KCNIP4: variants seen among roughly 807,000 people sequenced by gnomAD.
KCNIP4 encodes the protein potassium voltage-gated channel interacting protein 4, also known as Kv channel-interacting protein 4.
Under a neutral mutation model 34.0 loss-of-function variants are expected in KCNIP4, and 12 were observed. The ratio of observed to expected loss-of-function variants is 0.35; its 90% confidence interval spans 0.23 to 0.57. The LOEUF (loss-of-function observed/expected upper bound fraction) is 0.57, where lower values mean the gene tolerates loss of function less well. Ranked by LOEUF, KCNIP4 falls within the 20% of genes least tolerant of loss-of-function variation. The pLI, the probability that KCNIP4 is intolerant of heterozygous loss-of-function variation, is 0.83. For synonymous variants in KCNIP4, 124 were observed against 102.2 expected, an observed-to-expected ratio of 1.21 and a Z score of -1.29; for missense variants, 238 against 311.7, an observed-to-expected ratio of 0.76 and a Z score of 1.78.
chr4:21,688,923 C>T (rs1218537538), intron 1 of KCNIP4, among the ~76,000 whole-genome samples: 1 of 152,008 alleles, frequency 6.6e-6, no homozygotes, highest in South Asian at 2.1e-4. Flanking sequence ...GCTTCACCTA[C>T]CTTGCCCATT....
At chr4:21,150,127 A>C (rs769421179) in intron 1 of KCNIP4, among the ~76,000 whole-genome samples, 1 of 152,236 alleles carries the variant, frequency 6.6e-6, no homozygotes, top group Non-Finnish European at 1.5e-5. Flanking sequence ...TAGCACTTGC[A>C]GACCCCTTGG....
intron 1 of KCNIP4, among the ~76,000 whole-genome samples, chr4:21,303,170 C>G (rs976715006): frequency 1.3e-5 from 2 of 152,124 alleles, no homozygotes; most frequent in African/African-American, 4.8e-5. Context: ...AACAGGAGAA[C>G]AAGCCTCTAA....
chr4:21,403,512 T>C (rs1434092393), intron 1 of KCNIP4, among the ~76,000 whole-genome samples: 1 of 152,206 alleles, frequency 6.6e-6, no homozygotes, highest in African/African-American at 2.4e-5. Context: ...CATTTGACAC[T>C]GAGTATAACC....
At chr4:21,782,460 G>C (rs374411213) in intron 1 of KCNIP4, among the ~76,000 whole-genome samples, 221 of 152,286 alleles carry the variant, frequency 1.5e-3, no homozygotes, top group Non-Finnish European at 2.1e-3. Context: ...TTGGGAGGCT[G>C]AGACAGGAGG....
chr4:21,791,682 C>T (rs1309524614), intron 1 of KCNIP4, among the ~76,000 whole-genome samples: 1 of 151,998 alleles, frequency 6.6e-6, no homozygotes, highest in Non-Finnish European at 1.5e-5. Context: ...CCTTAACATA[C>T]TTAGTATTTC....
intron 1 of KCNIP4, among the ~76,000 whole-genome samples, chr4:21,147,784 C>A (rs1291467080): frequency 6.6e-6 from 1 of 151,172 alleles, no homozygotes; most frequent in African/African-American, 2.4e-5. Context: ...ACTAAAAATA[C>A]AAAAATTAGC....
chr4:21,614,744 C>A (rs867110433), intron 1 of KCNIP4, among the ~76,000 whole-genome samples: 6 of 151,818 alleles, frequency 4.0e-5, no homozygotes, highest in African/African-American at 1.4e-4. Context: ...TCATCTAAAT[C>A]TCTTACAGAC....
intron 3 of KCNIP4, among the ~76,000 whole-genome samples, chr4:20,809,102 G>T (rs1445784909): frequency 6.6e-6 from 1 of 152,058 alleles, no homozygotes; most frequent in African/African-American, 2.4e-5. Context: ...TGTGTTTCTG[G>T]CACAGCTATC....
chr4:21,729,299 C>A (rs1244022771), intron 1 of KCNIP4, among the ~76,000 whole-genome samples: 1 of 152,146 alleles, frequency 6.6e-6, no homozygotes, highest in Non-Finnish European at 1.5e-5. Flanking sequence ...ATTAGAAACA[C>A]TTTTGCATTC....
At chr4:20,915,045 C>T (rs1300097730) in intron 1 of KCNIP4, among the ~76,000 whole-genome samples, 2 of 152,202 alleles carry the variant, frequency 1.3e-5, no homozygotes, top group African/African-American at 4.8e-5. Context: ...CAAGTTCTAT[C>T]ATTGCTTGTG....
chr4:21,393,287 G>A (rs1484495128), intron 1 of KCNIP4, among the ~76,000 whole-genome samples: 1 of 151,674 alleles, frequency 6.6e-6, no homozygotes, highest in Non-Finnish European at 1.5e-5. Flanking sequence ...GCATTTTTTT[G>A]CTTCCCTTAA....
chr4:20,887,926 C>T (rs1002991274), intron 1 of KCNIP4, among the ~76,000 whole-genome samples: 1 of 151,960 alleles, frequency 6.6e-6, no homozygotes, highest in African/African-American at 2.4e-5. Context: ...TGTAAAATTT[C>T]TGACAATAAT....
intron 4 of KCNIP4, among the ~76,000 whole-genome samples, chr4:20,756,181 A>AAC (rs1346148539): frequency 6.6e-6 from 1 of 152,026 alleles, no homozygotes; most frequent in African/African-American, 2.4e-5. Flanking sequence ...GTAAAAAAAA[A>AAC]AAAAGTGTTG....
intron 1 of KCNIP4, among the ~76,000 whole-genome samples, chr4:21,008,351 C>G (rs1427916935): frequency 3.3e-5 from 5 of 152,082 alleles, no homozygotes; most frequent in Non-Finnish European, 7.4e-5. Context: ...TTTTGGGGAG[C>G]CATTAAGTTT....
At chr4:21,127,243 G>T (rs1040663936) in intron 1 of KCNIP4, among the ~76,000 whole-genome samples, 3 of 152,142 alleles carry the variant, frequency 2.0e-5, no homozygotes, top group African/African-American at 7.2e-5. Flanking sequence ...TTACCAGAGG[G>T]AGTGTGTTCT....
At chr4:20,880,270 C>G (rs1724528838) in intron 2 of KCNIP4, among the ~76,000 whole-genome samples, 1 of 152,046 alleles carries the variant, frequency 6.6e-6, no homozygotes, top group South Asian at 2.1e-4. Context: ...TCCAAATTGA[C>G]TGTCCTGAAC....
intron 1 of KCNIP4, among the ~76,000 whole-genome samples, chr4:21,231,780 G>C (rs559922452): frequency 6.6e-6 from 1 of 152,214 alleles, no homozygotes; most frequent in East Asian, 1.9e-4. Flanking sequence ...TTTGTCAGGA[G>C]GCAAGAGAGA....
At chr4:21,738,133 AAAT>A (rs199830770) in intron 1 of KCNIP4, among the ~76,000 whole-genome samples, 3,486 of 105,796 alleles carry the variant, frequency 0.033, 125 homozygotes, top group African/African-American at 0.15. Flanking sequence ...ATAAATAAAT[AAAT>A]AATAAATAAA....
chr4:20,967,536 A>T (rs186762383), intron 1 of KCNIP4, among the ~76,000 whole-genome samples: 67 of 152,326 alleles, frequency 4.4e-4, no homozygotes, highest in Non-Finnish European at 8.5e-4. Flanking sequence ...ACTATACTAC[A>T]AGGCTACAGT....
Sources: allele counts gnomAD v4.1 joint callset (sites outside exome capture counted in the v4.1 genomes callset), GRCh38; gene constraint gnomAD v4.1.1; transcripts MANE v1.5; gene names NCBI Gene and HGNC (gene_info 2026-07-23, HGNC 2026-07-21).